Variants in PRIM2 observed in about 807,000 individuals in gnomAD.
PRIM2 encodes DNA primase large subunit.
In PRIM2, 39 loss-of-function variants were observed where a neutral mutation model predicts 67.3. That is an observed-to-expected ratio of 0.58 (90% confidence interval 0.45 to 0.76). The LOEUF (loss-of-function observed/expected upper bound fraction) is 0.76. Ranked by LOEUF, PRIM2 falls within the 30% of genes least tolerant of loss-of-function variation. The probability of loss-of-function intolerance (pLI) is 0.00; values close to 1 mark genes in which losing one functional copy is unlikely to be tolerated. For synonymous variants in PRIM2, 143 were observed against 198.7 expected, an observed-to-expected ratio of 0.72 and a Z score of 2.36; for missense variants, 398 against 598.7, an observed-to-expected ratio of 0.66 and a Z score of 3.50.
intron 7 of PRIM2, among the ~76,000 whole-genome samples, chr6:57,448,710 T>C (rs1772438242): frequency 6.6e-6 from 1 of 152,072 alleles, no homozygotes; most frequent in Admixed American, 6.6e-5. Flanking sequence ...GTCTAAAAAT[T>C]TGGAGTTGGC....
chr6:57,460,352 A>G (rs1772962942), intron 7 of PRIM2, among the ~76,000 whole-genome samples: 1 of 152,140 alleles, frequency 6.6e-6, no homozygotes, highest in Admixed American at 6.6e-5. Context: ...GCTTTTGGAA[A>G]GCTTTACTAG....
intron 7 of PRIM2, among the ~76,000 whole-genome samples, chr6:57,396,760 C>T (rs1170326322): frequency 6.6e-6 from 1 of 151,884 alleles, no homozygotes; most frequent in African/African-American, 2.4e-5. Context: ...TTTTGTAGGT[C>T]TTGTGAGATT....
At chr6:57,376,943 T>C (rs1769785330) in intron 5 of PRIM2, among the ~76,000 whole-genome samples, 1 of 152,176 alleles carries the variant, frequency 6.6e-6, no homozygotes, top group African/African-American at 2.4e-5. Context: ...AGTGGCACAA[T>C]CTGGCTCACC....
intron 11 of PRIM2, among the ~76,000 whole-genome samples, chr6:57,601,611 C>CT: frequency 6.6e-6 from 1 of 152,186 alleles, no homozygotes; most frequent in East Asian, 1.9e-4. Context: ...TTTCCAAAGG[C>CT]TAACTACTAA....
intron 12 of PRIM2, among the ~76,000 whole-genome samples, chr6:57,628,832 T>C (rs1776998428): frequency 6.6e-6 from 1 of 152,214 alleles, no homozygotes. Context: ...TCTTTTTTTG[T>C]GGCTGCATAG....
At chr6:57,638,903 G>A (rs1310888501) in intron 13 of PRIM2, among the ~76,000 whole-genome samples, 1 of 152,068 alleles carries the variant, frequency 6.6e-6, no homozygotes, top group African/African-American at 2.4e-5. Context: ...TGGACCAAGT[G>A]GACCTAATAG....
chr6:57,398,637 G>A lies in PRIM2; in HGVS notation c.693+16469G>A, dbSNP rs372707021. Reference sequence around the variant, plus strand: ...GTATATTTTATTGGTTTTGGATGGAGAGTTCTGTAGAGGTCCATCAGATCC... The same window carrying A: ...GTATATTTTATTGGTTTTGGATGGAAAGTTCTGTAGAGGTCCATCAGATCC... On this transcript the variant is annotated intron_variant, in intron 7 of 13. Coordinates refer to ENST00000615550, the MANE Select transcript of PRIM2 (RefSeq NM_000947.5). Among the ~76,000 whole-genome samples, 1,233 of 152,306 alleles carry A rather than the reference G, an allele frequency of 8.1e-3. 22 individuals are homozygous for A. The highest frequency in any genetic ancestry group is 0.028 in the African/African-American group (1,174 of 41,562).
the PRIM2 span, among the ~76,000 whole-genome samples, chr6:57,274,988 C>T: frequency 2.9e-4 from 43 of 147,686 alleles, no homozygotes; most frequent in Admixed American, 1.2e-3. Flanking sequence ...GGTTTCACCA[C>T]GCTAGCCAGG....
rs1554346249 is a variant in PRIM2, at chr6:57,495,079, T to C, written c.694-12308T>C. 2.9e-3 allele frequency among the ~76,000 whole-genome samples: 440 copies of C among 152,316 alleles called. 6 individuals carry two copies. In the East Asian group the frequency reaches 0.057, roughly 20 times the overall value. On this transcript the variant is annotated intron_variant, in intron 7 of 13. Transcript: ENST00000615550. Reference sequence around the variant, plus strand: ...GGCTCTAGTTTTAATAGGCAAAACATGTTTATGTGTAATTGAAGTTAGTCA... The same window carrying C: ...GGCTCTAGTTTTAATAGGCAAAACACGTTTATGTGTAATTGAAGTTAGTCA...
At chr6:57,489,810 T>A (rs1379674114) in intron 7 of PRIM2, among the ~76,000 whole-genome samples, 1 of 152,232 alleles carries the variant, frequency 6.6e-6, no homozygotes, top group African/African-American at 2.4e-5. Flanking sequence ...AAAATAACTA[T>A]GAAAAATTAT....
intron 10 of PRIM2, among the ~76,000 whole-genome samples, chr6:57,539,523 T>C (rs1309418681): frequency 6.6e-6 from 1 of 152,054 alleles, no homozygotes; most frequent in African/African-American, 2.4e-5. Context: ...ATAGCTAATA[T>C]CCTGTGGACA....
chr6:57,225,758 T>G, the PRIM2 span, among the ~76,000 whole-genome samples: 1 of 152,162 alleles, frequency 6.6e-6, no homozygotes, highest in South Asian at 2.1e-4. Flanking sequence ...AAATATTTTC[T>G]TCCAAGAAAG....
At chr6:57,297,759 A>T in the PRIM2 span, among the ~76,000 whole-genome samples, 1 of 152,184 alleles carries the variant, frequency 6.6e-6, no homozygotes, top group Non-Finnish European at 1.5e-5. Context: ...TCTTGGGAGG[A>T]CATAATTCTG....
chr6:57,395,440 T>G (rs1297936441), intron 7 of PRIM2, among the ~76,000 whole-genome samples: 5 of 152,210 alleles, frequency 3.3e-5, no homozygotes, highest in Admixed American at 6.5e-5. Context: ...TTTTCTAGTT[T>G]ATGTGCATAA....
At chr6:57,365,652 G>A (rs1769331406) in intron 5 of PRIM2, among the ~76,000 whole-genome samples, 1 of 152,098 alleles carries the variant, frequency 6.6e-6, no homozygotes, top group South Asian at 2.1e-4. Context: ...ATTTCATCAG[G>A]TATTGTGGTA....
At chr6:57,306,293 C>T in the PRIM2 span, among the ~76,000 whole-genome samples, 1 of 152,122 alleles carries the variant, frequency 6.6e-6, no homozygotes, top group East Asian at 1.9e-4. Flanking sequence ...GTGAGAGGGC[C>T]AGACTAGTGC....
At chr6:57,309,909 A>C (rs1767350281), upstream of PRIM2, among the ~76,000 whole-genome samples, 2 of 152,116 alleles carry the variant, frequency 1.3e-5, no homozygotes. Flanking sequence ...CAAAACACCA[A>C]AAGCAATGGC....
intron 10 of PRIM2, among the ~76,000 whole-genome samples, chr6:57,556,083 CAA>C (rs1775508904): frequency 6.6e-6 from 1 of 152,328 alleles, no homozygotes; most frequent in South Asian, 2.1e-4. Context: ...ATACAGCTAA[CAA>C]GAGAGGGGAA....
chr6:57,555,111 T>A (rs1336925152), intron 10 of PRIM2, among the ~76,000 whole-genome samples: 1,564 of 152,344 alleles, frequency 0.01, 25 homozygotes, highest in African/African-American at 0.035. Flanking sequence ...AATAATGTTA[T>A]TTCTCTTTGA....
Sources: gnomAD v4.1 joint callset for allele counts (sites outside exome capture counted in the v4.1 genomes callset) on GRCh38, gnomAD v4.1.1 for gene constraint, MANE v1.5 for transcripts, NCBI Gene and HGNC (gene_info 2026-07-23, HGNC 2026-07-21) for gene names.